Variants in PRKAR2A observed in about 807,000 individuals in gnomAD.
The protein encoded by PRKAR2A is cAMP-dependent protein kinase type II-alpha regulatory subunit.
In PRKAR2A, 29 loss-of-function variants were observed where a neutral mutation model predicts 51.9. That is an observed-to-expected ratio of 0.56 (90% CI 0.42 to 0.76). PRKAR2A has a LOEUF of 0.76. Among genes scored for constraint, PRKAR2A ranks in the 30% least tolerant of loss-of-function variants. The probability of loss-of-function intolerance (pLI) is 0.00; values close to 1 mark genes in which losing one functional copy is unlikely to be tolerated. For missense variants in PRKAR2A, 445 were observed against 512.1 expected, an observed-to-expected ratio of 0.87 and a Z score of 1.26; for synonymous variants, 178 against 186.2, an observed-to-expected ratio of 0.96 and a Z score of 0.36.
chr3:48,766,196 A>T (rs564502539), intron 6 of PRKAR2A, among the ~76,000 whole-genome samples: 3 of 151,396 alleles, frequency 2.0e-5, no homozygotes, highest in Non-Finnish European at 1.5e-5. Flanking sequence ...CAGCCTGGGC[A>T]GCAGAGTGAC....
chr3:48,827,117 A>C (rs1288399066), intron 1 of PRKAR2A, among the ~76,000 whole-genome samples: 1 of 152,096 alleles, frequency 6.6e-6, no homozygotes, highest in Non-Finnish European at 1.5e-5. Flanking sequence ...TTCTCTGATG[A>C]TGGCTACAAA....
intron 5 of PRKAR2A, among the ~76,000 whole-genome samples, chr3:48,776,694 A>G (rs1462080662): frequency 6.6e-6 from 1 of 152,068 alleles, no homozygotes; most frequent in Non-Finnish European, 1.5e-5. Flanking sequence ...TACAGAAATT[A>G]GCTGGGTGTG....
chr3:48,759,023 T>G (rs2081821041), intron 8 of PRKAR2A, among the ~76,000 whole-genome samples: 1 of 152,176 alleles, frequency 6.6e-6, no homozygotes. Flanking sequence ...TCCATTAAAT[T>G]TTACTGATTT....
intron 1 of PRKAR2A, among the ~76,000 whole-genome samples, chr3:48,827,525 T>A (rs1395936912): frequency 6.6e-6 from 1 of 152,166 alleles, no homozygotes; most frequent in Non-Finnish European, 1.5e-5. Context: ...CATTACAGAG[T>A]GTACTTACAC....
intron 3 of PRKAR2A, among the ~76,000 whole-genome samples, chr3:48,793,645 C>T (rs917344953): frequency 4.0e-5 from 6 of 151,796 alleles, no homozygotes; most frequent in Non-Finnish European, 2.9e-5. Flanking sequence ...AGGCACATGC[C>T]ACCAAACCAG....
intron 2 of PRKAR2A, among the ~76,000 whole-genome samples, chr3:48,802,492 CCAGG>C (rs1370888033): frequency 6.6e-6 from 1 of 151,898 alleles, no homozygotes; most frequent in Non-Finnish European, 1.5e-5. Context: ...GCTTAAGAGG[CCAGG>C]CATTCAAGGC....
chr3:48,798,655 CCTTTTT>C (rs1459747179), intron 2 of PRKAR2A, among the ~76,000 whole-genome samples: 3 of 149,262 alleles, frequency 2.0e-5, no homozygotes, highest in Non-Finnish European at 4.4e-5. Flanking sequence ...ATGAAATCTT[CCTTTTT>C]AATTTTTTTT....
chr3:48,792,415 C>T lies in PRKAR2A; in HGVS notation c.351+1582G>A, dbSNP rs370386029. ...TCGGCCTCCCAAAGTGCTGGGATTA[C>T]AGGTGTGAGCCACCGTGACTGGCCC... is the stretch of plus-strand genomic sequence containing the variant. On this transcript the variant is annotated intron_variant, in intron 3 of 10. Coordinates refer to ENST00000265563, the MANE Select transcript of PRKAR2A (RefSeq NM_004157.4). Among the ~76,000 whole-genome samples the T allele has an allele frequency of 5.5e-5, 8 of 145,194 alleles. No homozygotes were observed. In the East Asian group the frequency reaches 1.3e-3, roughly 23 times the overall value.
intron 1 of PRKAR2A, among the ~76,000 whole-genome samples, chr3:48,838,568 C>T (rs554373463): frequency 1.3e-5 from 2 of 151,046 alleles, no homozygotes; most frequent in Admixed American, 6.6e-5. Flanking sequence ...GATCTCACCA[C>T]TGCACTCCAG....
intron 1 of PRKAR2A, among the ~76,000 whole-genome samples, chr3:48,808,687 T>C (rs2082721063): frequency 9.6e-6 from 1 of 104,262 alleles, no homozygotes; most frequent in Non-Finnish European, 1.9e-5. Flanking sequence ...CTGTTAATTT[T>C]TGTATTTTTA....
Position 48,847,576 on chromosome 3 carries a change from C to T in PRKAR2A, c.21G>A (p.Pro7=). 1 of 1,542,486 alleles carries T rather than the reference C, an allele frequency of 6.5e-7. No homozygotes were observed. The highest frequency in any genetic ancestry group is 8.7e-7 in the Non-Finnish European group (1 of 1,149,862). The part of the protein sequence containing the change: MSHIQI[P]PGLTELLQGY... ...CCTGCAGCAGCTCCGTGAGCCCCGG[C>T]GGGATCTGGATGTGGCTCATGCCGG... Residue 7 remains proline (P), a synonymous_variant, in exon 1 of 11, where the codon CCG becomes CCA. Coordinates refer to ENST00000265563, the MANE Select transcript of PRKAR2A (RefSeq NM_004157.4). This position sits in a 1 kb window ranked among gnomAD's most constrained non-coding sequence, Gnocchi z 4.4.
At chr3:48,773,151 A>G (rs775346397) in intron 5 of PRKAR2A, 43 bp from the exon 6 acceptor site, 37 of 1,513,390 alleles carry the variant, frequency 2.4e-5, no homozygotes, top group African/African-American at 4.1e-5. Flanking sequence ...TACTTCTGAT[A>G]ATAAATGTTA....
intron 2 of PRKAR2A, among the ~76,000 whole-genome samples, chr3:48,801,243 C>A (rs2082585380): frequency 6.6e-6 from 1 of 152,184 alleles, no homozygotes; most frequent in South Asian, 2.1e-4. Context: ...ACCTCTGCCT[C>A]CCAGGTTCAA....
Position 48,747,041 on chromosome 3 carries a change from CTTTTTTTTTTTT to C in PRKAR2A, c.*4532_*4543del, listed in dbSNP as rs11358464. On this transcript the variant is annotated 3_prime_UTR_variant, in exon 11 of 11. Coordinates refer to ENST00000265563, the MANE Select transcript of PRKAR2A (RefSeq NM_004157.4). The stretch of plus-strand genomic sequence containing the variant: ...CATGAGGTTAGTGACAGTTCTTGTC[CTTTTTTTTTTTT>C]TTTTTTTTTTTTTTAAAGTATAAAG... 2 of 88,370 alleles carry C rather than the reference CTTTTTTTTTTTT, an allele frequency of 2.3e-5. No individual in the cohort carries two copies. The highest frequency in any genetic ancestry group is 3.9e-4 in the East Asian group (1 of 2,556). 5.5% of individuals were successfully genotyped at this position (88,370 alleles called of 1,614,324 possible).
chr3:48,792,907 C>T (rs577856018), intron 3 of PRKAR2A, among the ~76,000 whole-genome samples: 26 of 151,730 alleles, frequency 1.7e-4, no homozygotes, highest in Middle Eastern at 6.8e-3. Context: ...CCAGCCCGGG[C>T]GACAGTGCGA....
At chr3:48,834,354 A>T (rs562416463) in intron 1 of PRKAR2A, among the ~76,000 whole-genome samples, 2 of 152,312 alleles carry the variant, frequency 1.3e-5, no homozygotes, top group East Asian at 3.9e-4. Context: ...CACCTGAAGC[A>T]CAGCAACACG....
At chr3:48,755,682 A>C (rs902895546) in intron 9 of PRKAR2A, among the ~76,000 whole-genome samples, 2 of 148,362 alleles carry the variant, frequency 1.3e-5, no homozygotes, top group Non-Finnish European at 3.0e-5. Flanking sequence ...ATCACGGTTC[A>C]CTGCAGCCTC....
chr3:48,764,873 C>G (rs1027432386), intron 8 of PRKAR2A, 131 bp downstream of exon 8: 1 of 715,834 alleles, frequency 1.4e-6, no homozygotes, highest in Admixed American at 2.7e-5. Flanking sequence ...GATCCACCTG[C>G]CTCAGCCTCC....
At chr3:48,751,801 A>G in intron 10 of PRKAR2A, 83 bp from the exon 11 acceptor site, 1 of 1,497,884 alleles carries the variant, frequency 6.7e-7, no homozygotes, top group Non-Finnish European at 9.0e-7. Flanking sequence ...ATACCCATTC[A>G]TGTTGTATGA....
Sources: allele counts gnomAD v4.1 joint callset (sites outside exome capture counted in the v4.1 genomes callset), GRCh38; gene constraint gnomAD v4.1.1; non-coding constraint Gnocchi (gnomAD v3.1); transcripts MANE v1.5; gene names NCBI Gene and HGNC (gene_info 2026-07-23, HGNC 2026-07-21).